TRAF1: variants seen among roughly 807,000 people sequenced by gnomAD.
TRAF1 encodes TNF receptor associated factor 1.
In TRAF1, 23 loss-of-function variants were observed where a neutral mutation model predicts 40.9. That is an observed-to-expected ratio of 0.56 (90% confidence interval 0.40 to 0.80). The LOEUF (loss-of-function observed/expected upper bound fraction) is 0.80, where lower values mean the gene tolerates loss of function less well. Among genes scored for constraint, TRAF1 ranks in the 30% least tolerant of loss-of-function variants. The probability of loss-of-function intolerance (pLI) is 0.00; values close to 1 mark genes in which losing one functional copy is unlikely to be tolerated. For synonymous variants in TRAF1, 206 were observed against 218.8 expected, an observed-to-expected ratio of 0.94 and a Z score of 0.52; for missense variants, 477 against 528.7, an observed-to-expected ratio of 0.90 and a Z score of 0.96.
At chr9:120,911,549 C>A in intron 5 of TRAF1, 36 bp from the exon 6 acceptor site, 1 of 1,591,874 alleles carries the variant, frequency 6.3e-7, no homozygotes, top group Non-Finnish European at 8.6e-7. Flanking sequence ...AACACCAGAA[C>A]CCGGCTTGGG....
At chr9:120,909,445 T>C (rs2046509431) in intron 6 of TRAF1, 67 bp from the exon 7 acceptor site, 1 of 1,575,286 alleles carries the variant, frequency 6.3e-7, no homozygotes, top group African/African-American at 1.3e-5. Flanking sequence ...TGGGATCCAG[T>C]GGTCAGGCAT....
intron 2 of TRAF1, among the ~76,000 whole-genome samples, chr9:120,925,534 G>C (rs374936834): frequency 1.3e-5 from 2 of 152,218 alleles, no homozygotes; most frequent in East Asian, 3.8e-4. Flanking sequence ...TTCACCAAGA[G>C]GTTTATATTT....
intron 3 of TRAF1, among the ~76,000 whole-genome samples, chr9:120,922,409 A>G (rs558379295): frequency 3.0e-4 from 46 of 152,328 alleles, no homozygotes; most frequent in African/African-American, 1.0e-3. Context: ...TTGGTTTTAT[A>G]AATGGAAAGA....
At chr9:120,924,081 A>G (rs553001017) in intron 2 of TRAF1, among the ~76,000 whole-genome samples, 1 of 152,200 alleles carries the variant, frequency 6.6e-6, no homozygotes, top group Non-Finnish European at 1.5e-5. Context: ...CATTGCAGAA[A>G]CATTAATGTG....
At chr9:120,914,607 G>A (rs529415240) in intron 3 of TRAF1, 1 of 1,045,524 alleles carries the variant, frequency 9.6e-7, no homozygotes, top group Non-Finnish European at 1.2e-6. Flanking sequence ...GGTCGGGGGG[G>A]CTCTGTGAGG....
upstream of TRAF1, chr9:120,927,450 C>T (rs140715061): frequency 2.0e-5 from 3 of 152,104 alleles, no homozygotes; most frequent in Non-Finnish European, 1.5e-5. Context: ...ACAATAATAC[C>T]TATTTCACCC....
intron 3 of TRAF1, among the ~76,000 whole-genome samples, chr9:120,919,302 C>T (rs572141519): frequency 1.3e-5 from 2 of 152,238 alleles, no homozygotes; most frequent in African/African-American, 2.4e-5. Flanking sequence ...TGAGGGAACA[C>T]TCGTTCTTCT....
Position 120,914,288 on chromosome 9 carries a change from C to T in TRAF1, c.241G>A (p.Val81Met), listed in dbSNP as rs776734352. The change falls in exon 4 of 8, where the codon GTG (valine) becomes ATG (methionine). Residue 81 changes from valine (V) to methionine (M), a missense_variant. By Grantham distance (21) the Val-to-Met change is conservative. Transcript: ENST00000373887. The stretch of plus-strand genomic sequence containing the variant: ...GGGCACCCAATTCCAGCCTCAGCCA[C>T]CTCGGGGTGAGCCTGGAAATAATAA... ...LRTQEKAHPE[V>M]AEAGIGCPFA... 6.5e-6 allele frequency: 10 copies of T among 1,529,522 alleles called. No individual in the cohort carries two copies. The highest frequency in any genetic ancestry group is 8.9e-6 in the Non-Finnish European group (10 of 1,127,594). The allele number at this position is 1,529,522 out of a possible 1,614,324, so 94.7% of individuals were successfully genotyped here.
intron 2 of TRAF1, among the ~76,000 whole-genome samples, chr9:120,924,760 C>T (rs1447813535): frequency 1.3e-5 from 2 of 152,278 alleles, no homozygotes; most frequent in South Asian, 2.1e-4. Flanking sequence ...GACCTGCTAC[C>T]GCTACCGAGA....
chr9:120,915,086 G>C (rs942787555), intron 3 of TRAF1, among the ~76,000 whole-genome samples: 1 of 152,136 alleles, frequency 6.6e-6, no homozygotes, highest in Non-Finnish European at 1.5e-5. Context: ...CCCCTCCCAC[G>C]CACATCACTA....
chr9:120,914,557 C>T (rs572199386), intron 3 of TRAF1: 1 of 1,136,898 alleles, frequency 8.8e-7, no homozygotes, highest in South Asian at 4.4e-5. Context: ...ACAGTCCACA[C>T]AGCTCCGTAA....
Position 120,908,374 on chromosome 9 carries a change from A to G in TRAF1, c.1032+856T>C, listed in dbSNP as rs901519834. Among the ~76,000 whole-genome samples the G allele has an allele frequency of 4.0e-5, 6 of 151,740 alleles. No homozygotes were observed. The East Asian group carries it at 1.2e-3, about 29-fold the overall frequency. ...AAATAAATTGTAATCTAATATATTCAATACATTGAAAATAAAACAACCAGT... is the reference window on the plus strand; with the variant it reads ...AAATAAATTGTAATCTAATATATTCGATACATTGAAAATAAAACAACCAGT... On this transcript the variant is annotated intron_variant, in intron 7 of 7. Transcript: ENST00000373887.
At position 120,911,431 on chromosome 9, in the gene TRAF1, G is replaced by T; in HGVS notation, c.788C>A (p.Ala263Asp). The change falls in exon 6 of 8, where the codon GCC (alanine) becomes GAC (aspartate). Residue 263 changes from alanine to aspartate, a missense_variant. Physicochemically the swap from Ala to Asp is moderately radical, Grantham distance 126. Transcript: ENST00000373887. Reference sequence around the variant, plus strand: ...CCACAGGAAAGTGCCATCGAAGGAGGCCTCCTCCATGAGGCGCAAGCTCTG... The same window carrying T: ...CCACAGGAAAGTGCCATCGAAGGAGTCCTCCTCCATGAGGCGCAAGCTCTG... ...LEQSLRLMEE[A>D]SFDGTFLWKI... The T allele has an allele frequency of 6.2e-7, 1 of 1,613,608 alleles. No homozygotes were observed. The highest frequency in any genetic ancestry group is 8.5e-7 in the Non-Finnish European group (1 of 1,180,034).
Position 120,902,506 on chromosome 9 carries a change from G to A in TRAF1, c.*2514C>T, listed in dbSNP as rs2046444776. ...CAGCAGGTGCTCTGTGGGCAGGGCG[G>A]GGGGTGGGGGGGGGGGCGGTGGGCA... is the stretch of plus-strand genomic sequence containing the variant. On this transcript the variant is annotated 3_prime_UTR_variant, in exon 8 of 8. Coordinates refer to ENST00000373887, the MANE Select transcript of TRAF1 (RefSeq NM_005658.5). The A allele has an allele frequency of 7.4e-6, 1 of 135,742 alleles. No individual in the cohort carries two copies. Among genetic ancestry groups the A allele is most frequent in the Admixed American group, 6.9e-5 (1 of 14,398 alleles). 8.4% of individuals were successfully genotyped at this position (135,742 alleles called of 1,614,324 possible).
intron 3 of TRAF1, among the ~76,000 whole-genome samples, chr9:120,916,913 T>C (rs2046573476): frequency 6.6e-6 from 1 of 151,928 alleles, no homozygotes; most frequent in Admixed American, 6.5e-5. Context: ...TGAATATACC[T>C]GGGGGAGCCT....
rs10985085 is a variant in TRAF1, at chr9:120,903,019, C to T, written c.*2001G>A. On this transcript the variant is annotated 3_prime_UTR_variant, in exon 8 of 8. Transcript: ENST00000373887. ...CTGTTTCTCATGGGGGCTTGTTCTA[C>T]AAATCCCCCCTTGGGCTCAACACTC... The T allele has an allele frequency of 0.1, 15,736 of 152,220 alleles. 1,199 individuals carry two copies. Among genetic ancestry groups the T allele is most frequent in the African/African-American group, 0.21 (8,774 of 41,490 alleles). 9.4% of individuals were successfully genotyped at this position (152,220 alleles called of 1,614,324 possible). A position where few individuals can be genotyped will look rare whatever the true frequency, so the allele number is the denominator to read the frequency against.
rs1244860036 is a variant in TRAF1 at position 120,913,726 on chromosome 9, A to C, written c.307T>G (p.Ser103Ala). 6.4e-7 allele frequency: 1 copy of C among 1,569,820 alleles called. No individual in the cohort carries two copies. The highest frequency in any genetic ancestry group is 2.3e-5 in the East Asian group (1 of 44,282). Residue 103 changes from serine to alanine, a missense_variant, in exon 5 of 8, where the codon TCT becomes GCT. By Grantham distance (99) the Ser-to-Ala change is moderately conservative (BLOSUM62 1). Coordinates refer to ENST00000373887, the MANE Select transcript of TRAF1 (RefSeq NM_005658.5). Reference protein sequence around the residue: ...VGCSFKGSPQSVQEHEVTSQT... With the variant: ...VGCSFKGSPQAVQEHEVTSQT... The stretch of plus-strand genomic sequence containing the variant: ...GAGGTGACCTCATGCTCTTGCACAG[A>C]CTGTGGGCTTCCCTGACAAGAGAGT...
chr9:120,918,721 T>C (rs2046585325), intron 3 of TRAF1, among the ~76,000 whole-genome samples: 1 of 152,220 alleles, frequency 6.6e-6, no homozygotes, highest in Non-Finnish European at 1.5e-5. Context: ...TGGGGCTGTA[T>C]TAGAGTCACC....
At chr9:120,906,711 T>C (rs1487170541) in intron 7 of TRAF1, among the ~76,000 whole-genome samples, 2 of 152,174 alleles carry the variant, frequency 1.3e-5, no homozygotes, top group African/African-American at 4.8e-5. Flanking sequence ...TATTTCACTT[T>C]CTATGGGTTT....
Sources: allele counts gnomAD v4.1 joint callset (sites outside exome capture counted in the v4.1 genomes callset), GRCh38; gene constraint gnomAD v4.1.1; transcripts MANE v1.5; gene names NCBI Gene and HGNC (gene_info 2026-07-23, HGNC 2026-07-21).